The following C20orf203 variants were observed in gnomAD, a reference collection of about 807,000 sequenced individuals.
C20orf203 encodes uncharacterized protein C20orf203.
Under a neutral mutation model 15.9 loss-of-function variants are expected in C20orf203, and 16 were observed. That is an observed-to-expected ratio of 1.01 (90% CI 0.68 to 1.53). C20orf203 has a LOEUF of 1.53. Among genes scored for constraint, C20orf203 ranks in the 40% most tolerant of loss-of-function variants. The pLI is 0.00. For synonymous variants in C20orf203, 98 were observed against 97.2 expected (o/e 1.01, Z -0.05); for missense variants, 263 against 247.5 (o/e 1.06, Z -0.42).
intron 4 of C20orf203, among the ~76,000 whole-genome samples, chr20:32,642,374 A>T (rs1473819773): frequency 6.6e-6 from 1 of 152,224 alleles, no homozygotes; most frequent in African/African-American, 2.4e-5. Flanking sequence ...CTATGGATGG[A>T]CAGACAGACA....
At chr20:32,662,884 T>TAAAAA (rs549813618) in intron 1 of C20orf203, among the ~76,000 whole-genome samples, 11 of 111,042 alleles carry the variant, frequency 9.9e-5, no homozygotes, top group African/African-American at 3.8e-4. Context: ...TCTGTCTCTA[T>TAAAAA]AAAAAAAAAA....
chr20:32,639,041 G>C (rs896473474), intron 5 of C20orf203, among the ~76,000 whole-genome samples: 1 of 152,210 alleles, frequency 6.6e-6, no homozygotes, highest in Admixed American at 6.5e-5. Context: ...CAGAGGGAGG[G>C]TACAAGCCCC....
intron 1 of C20orf203, among the ~76,000 whole-genome samples, chr20:32,667,746 C>G (rs191147712): frequency 1.3e-5 from 2 of 152,220 alleles, no homozygotes; most frequent in African/African-American, 4.8e-5. Context: ...TCTCGGCTCA[C>G]TGCAACCTCC....
intron 1 of C20orf203, among the ~76,000 whole-genome samples, chr20:32,667,813 G>A (rs1802401314): frequency 6.6e-6 from 1 of 152,158 alleles, no homozygotes; most frequent in African/African-American, 2.4e-5. Flanking sequence ...CGGGACTACA[G>A]GCGCGTGCCA....
chr20:32,643,694 T>C (rs1419590566), intron 4 of C20orf203, among the ~76,000 whole-genome samples: 2 of 149,912 alleles, frequency 1.3e-5, no homozygotes, highest in African/African-American at 2.5e-5. Context: ...TGCGAAACCC[T>C]GCAGTGAAGA....
At position 32,631,928 on chromosome 20, in the gene C20orf203, G is replaced by A. The variant is rs1355015675; in HGVS notation, c.*3642C>T. 3 of 152,234 alleles carry A rather than the reference G, an allele frequency of 2.0e-5. No homozygotes were observed. Among genetic ancestry groups the A allele is most frequent in the South Asian group, 2.1e-4 (1 of 4,824 alleles). 9.4% of individuals were successfully genotyped at this position (152,234 alleles called of 1,614,324 possible). A position where few individuals can be genotyped will look rare whatever the true frequency, so the allele number is the denominator to read the frequency against. On this transcript the variant is annotated 3_prime_UTR_variant, in exon 6 of 6. Coordinates refer to ENST00000608990, the MANE Select transcript of C20orf203 (RefSeq NM_182584.4). The stretch of plus-strand genomic sequence containing the variant: ...GGTTTCCACAGCAGCAGTAGCATAC[G>A]CAGGTCCCTGCAATCTGGAGGTATG...
At chr20:32,639,177 G>A (rs766394307) in intron 5 of C20orf203, among the ~76,000 whole-genome samples, 7 of 152,238 alleles carry the variant, frequency 4.6e-5, no homozygotes, top group Admixed American at 6.5e-5. Flanking sequence ...CACCCACAGT[G>A]TTCCACAGTC....
chr20:32,669,954 C>G (rs913155060), intron 1 of C20orf203, among the ~76,000 whole-genome samples: 7 of 152,178 alleles, frequency 4.6e-5, no homozygotes. Context: ...GTAATCCCAG[C>G]ATTTTGGGAG....
At chr20:32,652,008 C>A (rs1168607635) in intron 1 of C20orf203, 27 bp from the exon 2 acceptor site, 1 of 152,150 alleles carries the variant, frequency 6.6e-6, no homozygotes, top group African/African-American at 2.4e-5. Context: ...AACACACATA[C>A]AAATAACTAG....
Position 32,633,955 on chromosome 20 carries a change from C to G in C20orf203, c.*1615G>C, listed in dbSNP as rs1982070093. 2.5e-6 allele frequency: 1 copy of G among 398,412 alleles called. No homozygotes were observed. Among genetic ancestry groups the G allele is most frequent in the Non-Finnish European group, 4.4e-6 (1 of 226,118 alleles). The allele number at this position is 398,412 out of a possible 1,614,324, so 24.7% of individuals were successfully genotyped here. A position where few individuals can be genotyped will look rare whatever the true frequency, so the allele number is the denominator to read the frequency against. On this transcript the variant is annotated 3_prime_UTR_variant, in exon 6 of 6. Transcript: ENST00000608990. ...TCCTGATGCCTGAGCTTCAGCTTCC[C>G]CACTCCGGACTGTTTCATGCGTTCA...
chr20:32,651,055 G>C lies in C20orf203; in HGVS notation c.98C>G (p.Ala33Gly). 6.6e-7 allele frequency: 1 copy of C among 1,525,920 alleles called. No individual in the cohort carries two copies. The highest frequency in any genetic ancestry group is 8.8e-7 in the Non-Finnish European group (1 of 1,134,398). 94.5% of individuals were successfully genotyped at this position (1,525,920 alleles called of 1,614,324 possible). The part of the protein sequence containing the change: ...LDHRQWPPRL[A>G]SFPFTKTGML... ...TCCAGTTTTTGTAAAGGGAAAACTG[G>C]CCAGGCGAGGTGGCCACTGCCTGTG... The change falls in exon 3 of 6, where the codon GCC (alanine) becomes GGC (glycine). Residue 33 changes from alanine (A) to glycine (G), a missense_variant. Transcript: ENST00000608990.
intron 4 of C20orf203, among the ~76,000 whole-genome samples, chr20:32,648,639 A>C (rs1239085926): frequency 1.4e-5 from 2 of 145,540 alleles, no homozygotes; most frequent in African/African-American, 5.2e-5. Flanking sequence ...TTTTTAGTAG[A>C]GACAGGGTTT....
intron 5 of C20orf203, among the ~76,000 whole-genome samples, chr20:32,636,644 C>T (rs538622441): frequency 1.8e-4 from 28 of 152,292 alleles, no homozygotes; most frequent in African/African-American, 6.7e-4. Flanking sequence ...TCACACCCAC[C>T]TGCGCCCCCC....
At chr20:32,644,856 G>C (rs377763634) in intron 4 of C20orf203, among the ~76,000 whole-genome samples, 1 of 151,878 alleles carries the variant, frequency 6.6e-6, no homozygotes, top group Non-Finnish European at 1.5e-5. Context: ...TGTATGGTGA[G>C]ATCTCAATTC....
chr20:32,646,570 GAT>G (rs763341474), intron 4 of C20orf203, among the ~76,000 whole-genome samples: 22 of 152,284 alleles, frequency 1.4e-4, no homozygotes, highest in Admixed American at 4.6e-4. Flanking sequence ...GGCCCACACT[GAT>G]GGCCTGCTGT....
rs763232893 is a variant in C20orf203, at chr20:32,650,430, G to A, written c.*2C>T. 2.1e-5 allele frequency: 33 copies of A among 1,548,166 alleles called. No individual in the cohort carries two copies. The highest frequency in any genetic ancestry group is 1.2e-4 in the African/African-American group (9 of 72,988). On this transcript the variant is annotated 3_prime_UTR_variant, in exon 4 of 6. Coordinates refer to ENST00000608990, the MANE Select transcript of C20orf203 (RefSeq NM_182584.4). ...CTGGGGGTGGGGGCGCCCTGGGCTC[G>A]GCTAATTAAACAGCGACCGTGATGA...
chr20:32,639,728 C>T (rs80313690), intron 5 of C20orf203, among the ~76,000 whole-genome samples: 2,238 of 152,140 alleles, frequency 0.015, 32 homozygotes, highest in African/African-American at 0.04. Flanking sequence ...ATCTGTCCAC[C>T]GAGCACCATG....
chr20:32,658,764 C>CTGT (rs149535207), intron 1 of C20orf203, among the ~76,000 whole-genome samples: 3,287 of 152,100 alleles, frequency 0.022, 130 homozygotes, highest in African/African-American at 0.074. Context: ...GACACTGGAG[C>CTGT]TACAGGGAGA....
chr20:32,640,707 A>G lies in C20orf203; in HGVS notation c.*1178-20T>C, dbSNP rs1982258332. 6.6e-6 allele frequency: 1 copy of G among 152,102 alleles called. No homozygotes were observed. The highest frequency in any genetic ancestry group is 1.5e-5 in the Non-Finnish European group (1 of 68,058). 9.4% of individuals were successfully genotyped at this position (152,102 alleles called of 1,614,324 possible). A position where few individuals can be genotyped will look rare whatever the true frequency, so the allele number is the denominator to read the frequency against. On this transcript the variant is annotated intron_variant, in intron 4 of 5. Coordinates refer to ENST00000608990, the MANE Select transcript of C20orf203 (RefSeq NM_182584.4). ...GAGACTCTGTCTCAAAACAAAAAAC[A>G]AACAAACAAAAAAAACAAAAACAAC...
Sources: gnomAD v4.1 joint callset for allele counts (sites outside exome capture counted in the v4.1 genomes callset) on GRCh38, gnomAD v4.1.1 for gene constraint, MANE v1.5 for transcripts, NCBI Gene and HGNC (gene_info 2026-07-23, HGNC 2026-07-21) for gene names.